The following FLII variants were observed in gnomAD, a reference collection of about 807,000 sequenced individuals.
FLII encodes FLII actin remodeling protein.
FLII carries 101 observed loss-of-function variants against 156.2 expected under a neutral mutation model. The observed-to-expected ratio is 0.65, with a 90% CI of 0.55 to 0.76. The LOEUF (loss-of-function observed/expected upper bound fraction) is 0.76. FLII is among the 30% of genes least tolerant of loss of function. FLII has a pLI of 0.00. For missense variants in FLII, 1,675 were observed against 1,682.8 expected, an observed-to-expected ratio of 1.00 and a Z score of 0.08; for synonymous variants, 767 against 685.8, an observed-to-expected ratio of 1.12 and a Z score of -1.85.
rs377064036 is a variant in FLII at position 18,245,745 on chromosome 17, G to A, written c.3502C>T (p.Arg1168Trp). Residue 1168 changes from arginine (R) to tryptophan (W), a missense_variant and splice_region_variant, in exon 27 of 30, where the codon CGG becomes TGG. This residue lies in a region of FLII where 1,332 missense variants were observed against 1,269.3 expected (regional missense o/e 1.05). Transcript: ENST00000327031. ...GGAGGGTCAGGGCCCTGGCCTCACC[G>A]GAAGAGACGTGTGTGTTTCATGTAC... is the stretch of plus-strand genomic sequence containing the variant. ...AEYMKHTRLF[R>W]CSNEKGYFAV... 44 of 1,613,528 alleles carry A rather than the reference G, an allele frequency of 2.7e-5. No homozygotes were observed. The highest frequency in any genetic ancestry group is 3.2e-5 in the Non-Finnish European group (38 of 1,179,672).
chr17:18,249,548 AG>A, intron 14 of FLII, 140 bp from the exon 15 acceptor site: 1 of 677,830 alleles, frequency 1.5e-6, no homozygotes, highest in Non-Finnish European at 2.6e-6. Context: ...CCAGCACTTC[AG>A]GAGTCTGAGG....
rs1311520961 is a variant in FLII at position 18,247,201 on chromosome 17, G to C, written c.2644C>G (p.Leu882Val). 6 of 1,581,644 alleles carry C rather than the reference G, an allele frequency of 3.8e-6. No homozygotes were observed. Among genetic ancestry groups the C allele is most frequent in the Non-Finnish European group, 3.4e-6 (4 of 1,173,566 alleles). The change falls in exon 21 of 30, where the codon CTG (leucine) becomes GTG (valine). Residue 882 changes from leucine to valine, a missense_variant. Physicochemically the swap from Leu to Val is conservative, Grantham distance 32 (BLOSUM62 1). This residue lies in a region of FLII where 1,332 missense variants were observed against 1,269.3 expected (regional missense o/e 1.05). Transcript: ENST00000327031. ...QMKADLTALFLPRQPPMSLAE... is the reference protein window; with the variant it reads ...QMKADLTALFVPRQPPMSLAE... ...AGCGACATGGGCGGCTGCCGCGGCAGGAAAAGCGCAGTGAGGTCAGCCTTC... is the reference window on the plus strand; with the variant it reads ...AGCGACATGGGCGGCTGCCGCGGCACGAAAAGCGCAGTGAGGTCAGCCTTC...
In FLII at chr17:18,258,562, G is replaced by T. The variant is rs1327355022; in HGVS notation, c.63+66C>A. ...GGAGCCGAGCGGGACAGGAAGCGGA[G>T]GCCAAGCGGGCCGGGCGGAAGAGAA... On this transcript the variant is annotated intron_variant, in intron 1 of 29. Coordinates refer to ENST00000327031, the MANE Select transcript of FLII (RefSeq NM_002018.4). This position sits in a 1 kb window ranked among gnomAD's most constrained non-coding sequence, Gnocchi z 4.2. 2.0e-6 allele frequency: 3 copies of T among 1,522,400 alleles called. No homozygotes were observed. The Admixed American group carries it at 6.0e-5, about 30-fold the overall frequency. 94.3% of individuals were successfully genotyped at this position (1,522,400 alleles called of 1,614,324 possible). A position where few individuals can be genotyped will look rare whatever the true frequency, so the allele number is the denominator to read the frequency against.
At chr17:18,253,177 G>GAAAAC in intron 9 of FLII, 124 bp downstream of exon 9, 1 of 972,522 alleles carries the variant, frequency 1.0e-6, no homozygotes, top group South Asian at 1.6e-5. Flanking sequence ...GAAAAGAAAA[G>GAAAAC]AAAAGGTGAA....
chr17:18,254,444 G>C, intron 6 of FLII, 77 bp downstream of exon 6: 1 of 1,429,768 alleles, frequency 7.0e-7, no homozygotes, highest in Admixed American at 2.2e-5. Context: ...GAAGGGTTAG[G>C]GCCCTGGGAA....
Position 18,248,658 on chromosome 17 carries a change from C to T in FLII, c.2082G>A (p.Val694=), listed in dbSNP as rs1240444683. The T allele has an allele frequency of 6.2e-6, 10 of 1,614,068 alleles. No homozygotes were observed. The East Asian group carries it at 2.0e-4, about 32-fold the overall frequency. The part of the protein sequence containing the change: ...RKGKAEITLL[V]QGQELPEFWE... ...AGAACTCTGGGAGCTCCTGGCCCTG[C>T]ACCAGCAGTGTGATCTCAGCCTTCC... is the stretch of plus-strand genomic sequence containing the variant. The change falls in exon 18 of 30, where the codon GTG becomes GTA. Residue 694 remains valine (V), a synonymous_variant. Transcript: ENST00000327031.
chr17:18,247,132 C>A (rs774983584), intron 21 of FLII, 37 bp downstream of exon 21: 36 of 536,306 alleles, frequency 6.7e-5, no homozygotes, highest in South Asian at 1.1e-4. Context: ...TGCCCCCCAC[C>A]CCCCCCCCCG....
rs368003319 is a variant in FLII, at chr17:18,245,919, C to T, written c.3396+15G>A. ...GCTCCTCTGTGTGTGCCCGCCTGCC[C>T]GCCCGCCTCCTGACCTGCTTGCTGT... is the stretch of plus-strand genomic sequence containing the variant. On this transcript the variant is annotated intron_variant, in intron 26 of 29. Coordinates refer to ENST00000327031, the MANE Select transcript of FLII (RefSeq NM_002018.4). The T allele has an allele frequency of 1.8e-5, 29 of 1,613,590 alleles. No individual in the cohort carries two copies. Among genetic ancestry groups the T allele is most frequent in the Admixed American group, 3.3e-5 (2 of 59,980 alleles).
At position 18,251,704 on chromosome 17, in the gene FLII, G is replaced by T; in HGVS notation, c.1359C>A (p.Ala453=). The T allele has an allele frequency of 6.2e-7, 1 of 1,614,000 alleles. No individual in the cohort carries two copies. Among genetic ancestry groups the T allele is most frequent in the Non-Finnish European group, 8.5e-7 (1 of 1,180,020 alleles). The change falls in exon 12 of 30, where the codon GCC becomes GCA. Residue 453 remains alanine, a synonymous_variant. Coordinates refer to ENST00000327031, the MANE Select transcript of FLII (RefSeq NM_002018.4). ...KQVLKGMSDV[A]QEKNKKQEES... ...CCTCCTGCTTTTTGTTCTTCTCCTG[G>T]GCAACATCTGACATGCCCTTCAGCA...
intron 12 of FLII, 42 bp from the exon 13 acceptor site, chr17:18,251,519 C>A (rs781455677): frequency 1.3e-6 from 2 of 1,574,656 alleles, no homozygotes; most frequent in Admixed American, 3.4e-5. Context: ...TCTGTGAAGC[C>A]ACTCAGGCCA....
rs1444178804 is a variant in FLII at position 18,258,618 on chromosome 17, C to T, written c.63+10G>A. 1 of 1,555,094 alleles carries T rather than the reference C, an allele frequency of 6.4e-7. No individual in the cohort carries two copies. Among genetic ancestry groups the T allele is most frequent in the Non-Finnish European group, 8.6e-7 (1 of 1,160,358 alleles). The stretch of plus-strand genomic sequence containing the variant: ...GCAGGGAGGCCCGGCACGCGCCCGG[C>T]CCGGCTCACCTTGAAGTCGTTGCCG... On this transcript the variant is annotated intron_variant, in intron 1 of 29. Coordinates refer to ENST00000327031, the MANE Select transcript of FLII (RefSeq NM_002018.4). This position sits in a 1 kb window ranked among gnomAD's most constrained non-coding sequence, Gnocchi z 4.2.
rs1004517524 is a variant in FLII at position 18,245,870 on chromosome 17, A to T, written c.3397-20T>A. On this transcript the variant is annotated intron_variant, in intron 26 of 29. Transcript: ENST00000327031. ...GATAACCTGCGGGAAAGGCCAGTCC[A>T]GCCCAGGGCCCCTGCCTGCCCTGGC... The T allele has an allele frequency of 9.3e-6, 15 of 1,613,826 alleles. No homozygotes were observed. The highest frequency in any genetic ancestry group is 1.7e-6 in the Non-Finnish European group (2 of 1,179,948).
chr17:18,252,237 C>T (rs2048295062), intron 10 of FLII, 91 bp from the exon 11 acceptor site: 1 of 1,280,154 alleles, frequency 7.8e-7, no homozygotes, highest in Non-Finnish European at 1.1e-6. Context: ...CTGCAGCCGC[C>T]AGGGCTGAGA....
chr17:18,256,459 G>A, intron 3 of FLII, 67 bp downstream of exon 3: 9 of 1,309,112 alleles, frequency 6.9e-6, no homozygotes, highest in Non-Finnish European at 8.6e-6. Flanking sequence ...GTCTAGCCCA[G>A]GCTTCACGTC....
intron 1 of FLII, 53 bp from the exon 2 acceptor site, chr17:18,257,072 T>C: frequency 8.1e-7 from 1 of 1,232,958 alleles, no homozygotes; most frequent in Non-Finnish European, 1.2e-6. Flanking sequence ...CCACCTTCTA[T>C]GGCTCCTCCA....
intron 7 of FLII, 176 bp downstream of exon 7, chr17:18,253,903 C>T: frequency 1.2e-5 from 9 of 773,276 alleles, no homozygotes; most frequent in Non-Finnish European, 1.8e-5. Context: ...GGGGAGTTTT[C>T]TAGGCATAAA....
intron 18 of FLII, among the ~76,000 whole-genome samples, 192 bp downstream of exon 18, chr17:18,248,358 A>T (rs1199294196): frequency 6.6e-6 from 1 of 152,152 alleles, no homozygotes; most frequent in African/African-American, 2.4e-5. Flanking sequence ...CATCCTGGAA[A>T]GACTCCGTGA....
chr17:18,255,107 C>T, intron 4 of FLII, 76 bp downstream of exon 4: 1 of 1,203,440 alleles, frequency 8.3e-7, no homozygotes, highest in South Asian at 1.2e-5. Flanking sequence ...TAACAATGGC[C>T]CCAGGGACTT....
chr17:18,252,060 C>T lies in FLII; in HGVS notation c.1185G>A (p.Ser395=), dbSNP rs145214604. The change falls in exon 11 of 30, where the codon TCG becomes TCA. Residue 395 remains serine (S), a synonymous_variant. Transcript: ENST00000327031. ...RAAEWYNIDF[S]LQNQLRLAGA... is the part of the protein sequence containing the mutation. ...CCGCTAGCCGCAGCTGGTTCTGCAG[C>T]GAGAAGTCGATGTTGTACCACTCAG... 50 of 1,613,364 alleles carry T rather than the reference C, an allele frequency of 3.1e-5. No homozygotes were observed. The African/African-American group carries it at 5.1e-4, about 16-fold the overall frequency.
Sources: gnomAD v4.1 joint callset for allele counts (sites outside exome capture counted in the v4.1 genomes callset) on GRCh38, gnomAD v4.1.1 for gene constraint, gnomAD v4.1.1 regional missense constraint, Gnocchi (gnomAD v3.1) non-coding constraint, MANE v1.5 for transcripts, NCBI Gene and HGNC (gene_info 2026-07-23, HGNC 2026-07-21) for gene names.